Variants in MAPK8 observed in about 807,000 individuals in gnomAD.
The protein encoded by MAPK8 is mitogen-activated protein kinase 8.
MAPK8 carries 13 observed loss-of-function variants against 52.9 expected under a neutral mutation model. The observed-to-expected ratio is 0.25, with a 90% CI of 0.16 to 0.39. MAPK8 has a LOEUF of 0.39. Ranked by LOEUF, MAPK8 falls within the 10% of genes least tolerant of loss-of-function variation. The probability of loss-of-function intolerance (pLI) is 1.00; values close to 1 mark genes in which losing one functional copy is unlikely to be tolerated. For missense variants in MAPK8, 300 were observed against 519.2 expected, an observed-to-expected ratio of 0.58 and a Z score of 4.10; for synonymous variants, 191 against 169.8, an observed-to-expected ratio of 1.12 and a Z score of -0.97.
chr10:48,402,743 T>C (rs1564587006), intron 2 of MAPK8, among the ~76,000 whole-genome samples: 1 of 152,170 alleles, frequency 6.6e-6, no homozygotes, highest in African/African-American at 2.4e-5. Flanking sequence ...TCCTAGGTTC[T>C]AAAAAAACTG....
chr10:48,365,504 C>T (rs1360808344), intron 1 of MAPK8, among the ~76,000 whole-genome samples: 5 of 152,004 alleles, frequency 3.3e-5, no homozygotes, highest in African/African-American at 1.2e-4. Flanking sequence ...TATTTTTGTT[C>T]TTTTTTTATG....
chr10:48,420,636 C>G (rs1263935055), intron 6 of MAPK8, among the ~76,000 whole-genome samples: 1 of 152,074 alleles, frequency 6.6e-6, no homozygotes, highest in East Asian at 1.9e-4. Flanking sequence ...CTAACATGGT[C>G]TCAGGGATGT....
intron 1 of MAPK8, among the ~76,000 whole-genome samples, chr10:48,351,958 C>CT (rs1340566909): frequency 6.6e-6 from 1 of 152,122 alleles, no homozygotes; most frequent in African/African-American, 2.4e-5. Context: ...TTCAGATTAT[C>CT]AGATTTGGGA....
At chr10:48,416,224 A>C (rs1471403613) in intron 5 of MAPK8, among the ~76,000 whole-genome samples, 1 of 152,214 alleles carries the variant, frequency 6.6e-6, no homozygotes, top group Non-Finnish European at 1.5e-5. Flanking sequence ...AAAGCTGACG[A>C]GGTCCCACCA....
rs570714615 is a variant in MAPK8, at chr10:48,322,312, A to AT, written c.-50+15494dup. Among the ~76,000 whole-genome samples, 99 of 46,546 alleles carry AT rather than the reference A, an allele frequency of 2.1e-3. 1 individual carries two copies. In the East Asian group the frequency reaches 0.037, roughly 18 times the overall value. The allele number at this position is 46,546 out of a possible 152,430, so 30.5% of individuals were successfully genotyped here. A position where few individuals can be genotyped will look rare whatever the true frequency, so the allele number is the denominator to read the frequency against. The stretch of plus-strand genomic sequence containing the variant: ...TTTTGTACTGTGCCAGTCTTTCATG[A>AT]TTTAAAAAAAAAAACTTTTTTGAAT... On this transcript the variant is annotated intron_variant, in intron 1 of 11. Coordinates refer to ENST00000374189, the MANE Select transcript of MAPK8 (RefSeq NM_001323329.2).
chr10:48,382,343 A>G (rs941158566), intron 1 of MAPK8, among the ~76,000 whole-genome samples: 6 of 152,246 alleles, frequency 3.9e-5, no homozygotes, highest in Non-Finnish European at 8.8e-5. Context: ...CTAAAATCAC[A>G]TTAACTTGAA....
intron 1 of MAPK8, among the ~76,000 whole-genome samples, chr10:48,327,097 A>C (rs1270220775): frequency 6.6e-6 from 1 of 152,014 alleles, no homozygotes; most frequent in Non-Finnish European, 1.5e-5. Flanking sequence ...TTAGGACTTT[A>C]GGTATGATGT....
chr10:48,373,006 A>T (rs1784251938), intron 1 of MAPK8, among the ~76,000 whole-genome samples: 1 of 152,204 alleles, frequency 6.6e-6, no homozygotes, highest in South Asian at 2.1e-4. Flanking sequence ...TTACCCACAA[A>T]GGGAAGCCCA....
chr10:48,367,266 T>C (rs55923567), intron 1 of MAPK8, among the ~76,000 whole-genome samples: 14,834 of 151,970 alleles, frequency 0.098, 750 homozygotes, highest in Non-Finnish European at 0.11. Context: ...TTCAGGAGGC[T>C]GAGATGGGAG....
chr10:48,390,648 T>G (rs1312339976), intron 1 of MAPK8, among the ~76,000 whole-genome samples: 1 of 152,244 alleles, frequency 6.6e-6, no homozygotes, highest in African/African-American at 2.4e-5. Context: ...CTAGCCATTT[T>G]ATGGACGGGG....
chr10:48,381,347 G>A (rs1382293721), intron 1 of MAPK8, among the ~76,000 whole-genome samples: 1 of 151,924 alleles, frequency 6.6e-6, no homozygotes, highest in African/African-American at 2.4e-5. Flanking sequence ...TTTTCCTTTA[G>A]CAAAACTCAC....
intron 10 of MAPK8, among the ~76,000 whole-genome samples, chr10:48,427,864 TCTG>T (rs1219421839): frequency 6.6e-6 from 1 of 152,220 alleles, no homozygotes; most frequent in Non-Finnish European, 1.5e-5. Flanking sequence ...TGGTTAGTGT[TCTG>T]CTGTATGAAT....
At chr10:48,426,238 A>G (rs574561445) in intron 8 of MAPK8, 142 bp from the exon 9 acceptor site, 60 of 869,976 alleles carry the variant, frequency 6.9e-5, no homozygotes, top group East Asian at 1.7e-4. Context: ...TTAATCTTAT[A>G]TATTTTAATC....
Position 48,350,130 on chromosome 10 carries a change from C to T in MAPK8, c.-50+43309C>T, listed in dbSNP as rs187370737. 2.5e-3 allele frequency among the ~76,000 whole-genome samples: 387 copies of T among 152,224 alleles called. 2 individuals are homozygous for T. Among genetic ancestry groups the T allele is most frequent in the African/African-American group, 7.5e-3 (310 of 41,550 alleles). Reference sequence around the variant, plus strand: ...TGAAATTGAGGCAGTACTTAATAGCCTGCTAACCAAAAAAAAGCCCAGGAC... The same window carrying T: ...TGAAATTGAGGCAGTACTTAATAGCTTGCTAACCAAAAAAAAGCCCAGGAC... On this transcript the variant is annotated intron_variant, in intron 1 of 11. Transcript: ENST00000374189.
At position 48,378,429 on chromosome 10, in the gene MAPK8, A is replaced by G. The variant is rs542067496; in HGVS notation, c.-49-23183A>G. ...AATGAGAGATACATAACAGTTAAGAATTTGTATTGCAGAAATATAATGCAC... is the reference window on the plus strand; with the variant it reads ...AATGAGAGATACATAACAGTTAAGAGTTTGTATTGCAGAAATATAATGCAC... On this transcript the variant is annotated intron_variant, in intron 1 of 11. Transcript: ENST00000374189. Among the ~76,000 whole-genome samples, 6 of 152,278 alleles carry G rather than the reference A, an allele frequency of 3.9e-5. No homozygotes were observed. The South Asian group carries it at 1.2e-3, about 32-fold the overall frequency.
chr10:48,420,451 A>G (rs1589253788), intron 6 of MAPK8, 131 bp downstream of exon 6: 1 of 895,342 alleles, frequency 1.1e-6, no homozygotes. Flanking sequence ...ATGTGTATCA[A>G]AAGTTTGCAG....
chr10:48,419,668 C>T (rs2043242898), intron 5 of MAPK8, among the ~76,000 whole-genome samples: 1 of 152,144 alleles, frequency 6.6e-6, no homozygotes, highest in Admixed American at 6.5e-5. Flanking sequence ...AACTGGGTAT[C>T]TGCCAGTCTA....
chr10:48,411,822 T>G, intron 5 of MAPK8, among the ~76,000 whole-genome samples: 1 of 52,952 alleles, frequency 1.9e-5, no homozygotes, highest in Non-Finnish European at 3.6e-5. Flanking sequence ...CCTTCCCCCC[T>G]CCCTTCCCCT....
At chr10:48,357,659 A>G (rs1437012061) in intron 1 of MAPK8, among the ~76,000 whole-genome samples, 2 of 152,122 alleles carry the variant, frequency 1.3e-5, no homozygotes, top group African/African-American at 4.8e-5. Context: ...CGGCCTTCCA[A>G]AGTGGTGGGG....
Sources: gnomAD v4.1 joint callset for allele counts (sites outside exome capture counted in the v4.1 genomes callset) on GRCh38, gnomAD v4.1.1 for gene constraint, MANE v1.5 for transcripts, NCBI Gene and HGNC (gene_info 2026-07-23, HGNC 2026-07-21) for gene names.